ITGA9: variants seen among roughly 807,000 people sequenced by gnomAD.
ITGA9 encodes the protein integrin alpha-9.
ITGA9 carries 56 observed loss-of-function variants against 127.8 expected under a neutral mutation model. The ratio of observed to expected loss-of-function variants is 0.44; its 90% confidence interval spans 0.35 to 0.55. ITGA9 has a LOEUF of 0.55. Among genes scored for constraint, ITGA9 ranks in the 20% least tolerant of loss-of-function variants. The pLI is 0.00. For missense variants in ITGA9, 1,196 were observed against 1,347.1 expected (o/e 0.89, Z 1.76); for synonymous variants, 508 against 514.5 (o/e 0.99, Z 0.17).
At chr3:37,515,187 A>C (rs530377202) in intron 9 of ITGA9, among the ~76,000 whole-genome samples, 1 of 152,260 alleles carries the variant, frequency 6.6e-6, no homozygotes, top group Non-Finnish European at 1.5e-5. Context: ...ATGTACAACC[A>C]GTCCTCAGAA....
intron 15 of ITGA9, among the ~76,000 whole-genome samples, chr3:37,600,019 A>G (rs1699902690): frequency 6.6e-6 from 1 of 152,170 alleles, no homozygotes; most frequent in Non-Finnish European, 1.5e-5. Context: ...AGGGAAATGG[A>G]CTATGTGGGA....
chr3:37,648,820 A>G (rs1031405141), intron 16 of ITGA9, among the ~76,000 whole-genome samples: 1 of 152,176 alleles, frequency 6.6e-6, no homozygotes, highest in Non-Finnish European at 1.5e-5. Flanking sequence ...TGATGAGTAA[A>G]TAGCTTTTAT....
At chr3:37,554,452 G>A (rs1699410094) in intron 15 of ITGA9, among the ~76,000 whole-genome samples, 1 of 151,972 alleles carries the variant, frequency 6.6e-6, no homozygotes, top group African/African-American at 2.4e-5. Flanking sequence ...GGAAGGATTT[G>A]CCTTTACTCA....
chr3:37,534,438 C>T (rs796775509), intron 14 of ITGA9, among the ~76,000 whole-genome samples: 1 of 152,212 alleles, frequency 6.6e-6, no homozygotes, highest in African/African-American at 2.4e-5. Flanking sequence ...ACAAGAGCCC[C>T]ACAAGATTCC....
chr3:37,495,683 A>G (rs1698720938), intron 5 of ITGA9, among the ~76,000 whole-genome samples: 1 of 152,182 alleles, frequency 6.6e-6, no homozygotes, highest in Admixed American at 6.5e-5. Flanking sequence ...TATGTCTATT[A>G]TGCTTTTTTA....
chr3:37,735,982 G>A (rs987629024), intron 19 of ITGA9, among the ~76,000 whole-genome samples: 1 of 152,160 alleles, frequency 6.6e-6, no homozygotes, highest in African/African-American at 2.4e-5. Flanking sequence ...CATGGTCCCG[G>A]CAGATTCAGT....
At chr3:37,546,327 A>G (rs1181258057) in intron 15 of ITGA9, among the ~76,000 whole-genome samples, 3 of 152,158 alleles carry the variant, frequency 2.0e-5, no homozygotes, top group Non-Finnish European at 4.4e-5. Context: ...ACCGCGCTGG[A>G]ACTTTCTTCC....
At chr3:37,618,349 G>A (rs895142226) in intron 15 of ITGA9, among the ~76,000 whole-genome samples, 4 of 152,226 alleles carry the variant, frequency 2.6e-5, no homozygotes, top group African/African-American at 4.8e-5. Context: ...GTACCTGGCC[G>A]TGTGAGGTGT....
chr3:37,538,330 T>A (rs998547405), intron 14 of ITGA9, among the ~76,000 whole-genome samples: 2 of 152,160 alleles, frequency 1.3e-5, no homozygotes, highest in Admixed American at 1.3e-4. Flanking sequence ...CCCAGGCCCG[T>A]GCAGGGGGGC....
intron 15 of ITGA9, among the ~76,000 whole-genome samples, chr3:37,563,964 A>G: frequency 6.6e-6 from 1 of 152,322 alleles, no homozygotes; most frequent in Middle Eastern, 3.4e-3. Flanking sequence ...TTCCCAAAGC[A>G]TTTTTTCAAA....
intron 22 of ITGA9, chr3:37,748,141 A>C: frequency 2.0e-6 from 1 of 490,522 alleles, no homozygotes; most frequent in East Asian, 5.5e-5. Flanking sequence ...GAGGAAAGGC[A>C]CCTGATATAT....
chr3:37,731,144 C>T (rs1696286260), intron 18 of ITGA9, among the ~76,000 whole-genome samples: 1 of 152,192 alleles, frequency 6.6e-6, no homozygotes, highest in Non-Finnish European at 1.5e-5. Context: ...TCATCCCAGA[C>T]CCTGCAGTCT....
intron 26 of ITGA9, among the ~76,000 whole-genome samples, chr3:37,800,306 A>C (rs573318771): frequency 6.6e-6 from 1 of 152,356 alleles, no homozygotes; most frequent in African/African-American, 2.4e-5. Flanking sequence ...TTCATAGTCA[A>C]CAATAAGGTT....
intron 17 of ITGA9, among the ~76,000 whole-genome samples, chr3:37,677,706 G>A (rs186008222): frequency 4.6e-4 from 70 of 152,328 alleles, no homozygotes; most frequent in African/African-American, 1.5e-3. Context: ...TGGCCTTGGG[G>A]AAGTCATTTA....
chr3:37,487,180 C>T (rs1486729717), intron 4 of ITGA9, among the ~76,000 whole-genome samples: 1 of 152,114 alleles, frequency 6.6e-6, no homozygotes, highest in Non-Finnish European at 1.5e-5. Flanking sequence ...TAAATAAAGA[C>T]CTCTACATTT....
At chr3:37,579,175 C>T (rs1294914315) in intron 15 of ITGA9, among the ~76,000 whole-genome samples, 2 of 152,144 alleles carry the variant, frequency 1.3e-5, no homozygotes, top group Non-Finnish European at 2.9e-5. Flanking sequence ...TCACATGGTG[C>T]CACCACTCTT....
Position 37,653,756 on chromosome 3 carries a change from G to A in ITGA9, c.1882G>A (p.Asp628Asn). ...RNCRSEDCAA[D>N]LQLQGKLLLS... ...TTGCCGTTCAGAGGACTGTGCCGCA[G>A]ACCTGCAGCTTCAGGGTAAACTGCT... is the stretch of plus-strand genomic sequence containing the variant. Residue 628 changes from aspartate to asparagine, a missense_variant, in exon 17 of 28, where the codon GAC becomes AAC. Asp to Asn is a conservative substitution (Grantham distance 23, BLOSUM62 1). Coordinates refer to ENST00000264741, the MANE Select transcript of ITGA9 (RefSeq NM_002207.3). 1 of 1,614,006 alleles carries A rather than the reference G, an allele frequency of 6.2e-7. No homozygotes were observed. The highest frequency in any genetic ancestry group is 1.1e-5 in the South Asian group (1 of 91,074).
At chr3:37,500,202 T>G (rs959386721) in intron 5 of ITGA9, among the ~76,000 whole-genome samples, 2 of 152,224 alleles carry the variant, frequency 1.3e-5, no homozygotes, top group Non-Finnish European at 2.9e-5. Context: ...TAGCGTGGTC[T>G]CTTATGCAGG....
At chr3:37,492,488 C>T (rs1363761290) in intron 4 of ITGA9, among the ~76,000 whole-genome samples, 2 of 152,242 alleles carry the variant, frequency 1.3e-5, no homozygotes, top group Non-Finnish European at 2.9e-5. Context: ...GTGAGGCTGT[C>T]ACCACCTCGG....
Sources: allele counts gnomAD v4.1 joint callset (sites outside exome capture counted in the v4.1 genomes callset), GRCh38; gene constraint gnomAD v4.1.1; transcripts MANE v1.5; gene names NCBI Gene and HGNC (gene_info 2026-07-23, HGNC 2026-07-21).